The following ROCK1 variants were observed in gnomAD, a reference collection of about 807,000 sequenced individuals.
ROCK1 encodes Rho associated coiled-coil containing protein kinase 1, also known as rho-associated protein kinase 1.
In ROCK1, 36 loss-of-function variants were observed where a neutral mutation model predicts 196.8. The ratio of observed to expected loss-of-function variants is 0.18; its 90% CI spans 0.14 to 0.24. The LOEUF (loss-of-function observed/expected upper bound fraction) is 0.24. ROCK1 is among the 10% of genes least tolerant of loss of function. ROCK1 has a pLI of 1.00. For missense variants in ROCK1, 920 were observed against 1,562.0 expected (o/e 0.59, Z 6.93); for synonymous variants, 443 against 515.9 (o/e 0.86, Z 1.91).
chr18:21,067,014 C>T (rs1413836911), intron 2 of ROCK1, among the ~76,000 whole-genome samples: 2 of 152,158 alleles, frequency 1.3e-5, no homozygotes, highest in Admixed American at 6.6e-5. Context: ...AACTGTTTTC[C>T]AAAGTGCCTT....
chr18:21,027,511 T>C (rs1031179633), intron 10 of ROCK1, among the ~76,000 whole-genome samples: 15 of 152,184 alleles, frequency 9.9e-5, no homozygotes, highest in Non-Finnish European at 1.9e-4. Context: ...GTAATAATAG[T>C]TAACACTGAG....
At chr18:21,047,293 T>C (rs2036168750) in intron 4 of ROCK1, among the ~76,000 whole-genome samples, 1 of 152,190 alleles carries the variant, frequency 6.6e-6, no homozygotes, top group East Asian at 1.9e-4. Flanking sequence ...CACAACTGTG[T>C]GTGAGGTGGG....
At chr18:20,996,139 G>A (rs777685673) in intron 16 of ROCK1, among the ~76,000 whole-genome samples, 3 of 152,100 alleles carry the variant, frequency 2.0e-5, no homozygotes, top group Non-Finnish European at 4.4e-5. Context: ...TAAAATAGCT[G>A]TTTTGAGGAA....
intron 22 of ROCK1, among the ~76,000 whole-genome samples, chr18:20,975,702 C>T (rs2035474077): frequency 6.6e-6 from 1 of 152,156 alleles, no homozygotes; most frequent in Non-Finnish European, 1.5e-5. Flanking sequence ...GCTCCGCCTC[C>T]CAGGTTCACG....
rs2035224499 is a variant in ROCK1, at chr18:20,954,697, G to A, written c.3853+86C>T. On this transcript the variant is annotated intron_variant, in intron 31 of 32. Transcript: ENST00000399799. ...CTTTCTATAATCTCTTTTCAACTTGGTATAGAAATCACTACACATAAGTTA... is the reference window on the plus strand; with the variant it reads ...CTTTCTATAATCTCTTTTCAACTTGATATAGAAATCACTACACATAAGTTA... The A allele has an allele frequency of 6.1e-6, 8 of 1,311,418 alleles. No individual in the cohort carries two copies. The South Asian group carries it at 1.0e-4, about 17-fold the overall frequency. The allele number at this position is 1,311,418 out of a possible 1,614,324, so 81.2% of individuals were successfully genotyped here. A position where few individuals can be genotyped will look rare whatever the true frequency, so the allele number is the denominator to read the frequency against.
chr18:20,985,562 T>A (rs1034504975), intron 19 of ROCK1, among the ~76,000 whole-genome samples: 2 of 152,214 alleles, frequency 1.3e-5, no homozygotes, highest in African/African-American at 4.8e-5. Context: ...GCAATGCTTG[T>A]AGTTACTATT....
intron 29 of ROCK1, among the ~76,000 whole-genome samples, chr18:20,959,039 TAA>T (rs1491473109): frequency 1.1e-4 from 6 of 56,078 alleles, no homozygotes; most frequent in African/African-American, 6.3e-4. Context: ...ATATTTTATA[TAA>T]TATATAATAT....
chr18:21,105,673 C>T (rs958666001), intron 1 of ROCK1, among the ~76,000 whole-genome samples: 4 of 152,068 alleles, frequency 2.6e-5, no homozygotes, highest in African/African-American at 9.7e-5. Flanking sequence ...GAATTAATGA[C>T]AAAACAGATA....
At chr18:21,010,531 C>T (rs1021851436) in intron 13 of ROCK1, among the ~76,000 whole-genome samples, 2 of 152,138 alleles carry the variant, frequency 1.3e-5, no homozygotes, top group African/African-American at 4.8e-5. Flanking sequence ...TGTTTGCTTT[C>T]CATGTGTTTG....
intron 16 of ROCK1, among the ~76,000 whole-genome samples, chr18:20,994,504 T>G (rs2035653633): frequency 6.6e-6 from 1 of 152,172 alleles, no homozygotes; most frequent in Non-Finnish European, 1.5e-5. Flanking sequence ...GACACAAGTC[T>G]ATAGTCCCAG....
intron 1 of ROCK1, among the ~76,000 whole-genome samples, chr18:21,091,135 CT>C (rs1478234535): frequency 1.3e-5 from 2 of 151,898 alleles, no homozygotes; most frequent in African/African-American, 2.4e-5. Context: ...TCTGCCACCC[CT>C]GATACAAAGA....
intron 16 of ROCK1, among the ~76,000 whole-genome samples, chr18:21,003,631 G>C (rs184190757): frequency 1.3e-5 from 2 of 152,258 alleles, no homozygotes; most frequent in South Asian, 4.1e-4. Context: ...ATTGGGAAGG[G>C]GAGGTGGAGG....
chr18:21,084,680 A>C (rs2036511619), intron 1 of ROCK1, among the ~76,000 whole-genome samples: 1 of 152,234 alleles, frequency 6.6e-6, no homozygotes, highest in African/African-American at 2.4e-5. Context: ...AATGTAAAAC[A>C]GTGTAGCTGC....
intron 2 of ROCK1, among the ~76,000 whole-genome samples, chr18:21,053,920 T>C (rs139282682): frequency 4.2e-4 from 64 of 152,306 alleles, no homozygotes; most frequent in African/African-American, 1.3e-3. Flanking sequence ...ACAAATAAAA[T>C]GTTGTGATAT....
At chr18:21,051,834 G>GA (rs2036206134) in intron 2 of ROCK1, among the ~76,000 whole-genome samples, 1 of 152,136 alleles carries the variant, frequency 6.6e-6, no homozygotes, top group South Asian at 2.1e-4. Flanking sequence ...TGGGAACTGA[G>GA]AAGCACCACT....
At chr18:21,045,244 G>T (rs764585622) in intron 5 of ROCK1, 48 bp downstream of exon 5, 1 of 1,461,776 alleles carries the variant, frequency 6.8e-7, no homozygotes, top group Non-Finnish European at 9.3e-7. Flanking sequence ...GTTATTTTTA[G>T]CTATTTCCCT....
At position 20,966,918 on chromosome 18, in the gene ROCK1, T is replaced by C; in HGVS notation, c.3351A>G (p.Pro1117=). 6.2e-7 allele frequency: 1 copy of C among 1,607,632 alleles called. No homozygotes were observed. ...PSADETDGNL[P]ESRIEGWLSV... is the part of the protein sequence containing the mutation. ...TGAATGATACAGAATTATTCTTACCTGGGAGGTTACCATCAGTTTCATCAG... is the reference window on the plus strand; with the variant it reads ...TGAATGATACAGAATTATTCTTACCCGGGAGGTTACCATCAGTTTCATCAG... The change falls in exon 27 of 33, where the codon CCA becomes CCG. Residue 1117 remains proline (P), a splice_region_variant and synonymous_variant. Coordinates refer to ENST00000399799, the MANE Select transcript of ROCK1 (RefSeq NM_005406.3).
intron 22 of ROCK1, among the ~76,000 whole-genome samples, chr18:20,975,488 C>T (rs2035471713): frequency 6.6e-6 from 1 of 152,132 alleles, no homozygotes; most frequent in Non-Finnish European, 1.5e-5. Context: ...ATTCTCATCT[C>T]TATTTAGAAG....
intron 16 of ROCK1, among the ~76,000 whole-genome samples, chr18:21,000,044 T>C (rs1372277363): frequency 1.3e-5 from 2 of 152,216 alleles, no homozygotes; most frequent in African/African-American, 4.8e-5. Context: ...AATCCTCAAA[T>C]TCACATAGAA....
Sources: gnomAD v4.1 joint callset for allele counts (sites outside exome capture counted in the v4.1 genomes callset) on GRCh38, gnomAD v4.1.1 for gene constraint, MANE v1.5 for transcripts, NCBI Gene and HGNC (gene_info 2026-07-23, HGNC 2026-07-21) for gene names.